The following EPB41L4A variants were observed in gnomAD, a reference collection of about 807,000 sequenced individuals.
EPB41L4A encodes the protein band 4.1-like protein 4A.
A neutral mutation model predicts 108.6 loss-of-function variants in EPB41L4A; 100 were observed. The observed-to-expected ratio is 0.92, with a 90% CI of 0.78 to 1.09. The LOEUF (loss-of-function observed/expected upper bound fraction) is 1.09. Among genes scored for constraint, EPB41L4A ranks in the 50% least tolerant of loss-of-function variants. The pLI, the probability that EPB41L4A is intolerant of heterozygous loss-of-function variation, is 0.00. For synonymous variants in EPB41L4A, 319 were observed against 289.0 expected, an observed-to-expected ratio of 1.10 and a Z score of -1.05; for missense variants, 1,030 against 842.7, an observed-to-expected ratio of 1.22 and a Z score of -2.75.
downstream of EPB41L4A, among the ~76,000 whole-genome samples, chr5:112,159,779 G>A (rs143292377): frequency 2.0e-3 from 297 of 151,964 alleles, 1 homozygote; most frequent in African/African-American, 6.6e-3. Context: ...ATATACACCG[G>A]ATTTTTATGA....
chr5:112,322,307 C>A (rs1026521732), intron 1 of EPB41L4A, among the ~76,000 whole-genome samples: 4 of 152,148 alleles, frequency 2.6e-5, no homozygotes, highest in African/African-American at 9.7e-5. Context: ...GCATACAGAG[C>A]CAGGATTAAA....
chr5:112,233,110 A>C (rs911075154), intron 12 of EPB41L4A, among the ~76,000 whole-genome samples: 2 of 152,258 alleles, frequency 1.3e-5, no homozygotes, highest in Non-Finnish European at 2.9e-5. Context: ...AAACACAAGA[A>C]TACTCACAGC....
chr5:112,161,401 G>C (rs755197891), downstream of EPB41L4A: 4 of 438,506 alleles, frequency 9.1e-6, no homozygotes, highest in Non-Finnish European at 1.8e-5. Flanking sequence ...TCTCTGAAAT[G>C]TATTGTCCGT....
At chr5:112,144,495 T>C (rs746583202) in intron 13 of EPB41L4A, among the ~76,000 whole-genome samples, 24 of 152,178 alleles carry the variant, frequency 1.6e-4, no homozygotes, top group Non-Finnish European at 2.8e-4. Flanking sequence ...CAGGCTGGTC[T>C]TGAACTCCTG....
intron 1 of EPB41L4A, among the ~76,000 whole-genome samples, chr5:112,334,213 C>T (rs1232599232): frequency 2.0e-5 from 3 of 152,164 alleles, no homozygotes; most frequent in Non-Finnish European, 4.4e-5. Context: ...TATATAACAT[C>T]ACATACATCA....
chr5:112,171,086 T>C (rs926128443), intron 18 of EPB41L4A, 94 bp from the exon 19 acceptor site: 16 of 1,123,308 alleles, frequency 1.4e-5, no homozygotes, highest in Non-Finnish European at 2.1e-5. Context: ...GTGAAGTTCT[T>C]ATTTGCCAGC....
At chr5:112,389,234 A>G (rs942760680) in intron 1 of EPB41L4A, among the ~76,000 whole-genome samples, 1 of 152,196 alleles carries the variant, frequency 6.6e-6, no homozygotes, top group African/African-American at 2.4e-5. Flanking sequence ...GGCATTTTAA[A>G]TATTTTTTAA....
At chr5:112,287,241 T>C (rs972157504) in intron 2 of EPB41L4A, among the ~76,000 whole-genome samples, 6 of 152,188 alleles carry the variant, frequency 3.9e-5, no homozygotes, top group African/African-American at 9.7e-5. Flanking sequence ...AAACTTTAGA[T>C]GTCCAAAAGA....
At chr5:112,235,277 A>G (rs958989724) in intron 11 of EPB41L4A, among the ~76,000 whole-genome samples, 2 of 152,202 alleles carry the variant, frequency 1.3e-5, no homozygotes, top group Non-Finnish European at 2.9e-5. Context: ...AGGCAGGCCT[A>G]GAACCCCATG....
chr5:112,252,402 G>A lies in EPB41L4A; in HGVS notation c.795+6827C>T, dbSNP rs79650386. On this transcript the variant is annotated intron_variant, in intron 9 of 22. Transcript: ENST00000261486. ...CTAGTCAAAGGAACCAGAGCTCCTC[G>A]GAAGAATGGCTAACACTCAGGGTAG... Among the ~76,000 whole-genome samples, 908 of 152,108 alleles carry A rather than the reference G, an allele frequency of 6.0e-3. 12 individuals carry two copies. Among genetic ancestry groups the A allele is most frequent in the African/African-American group, 0.021 (862 of 41,488 alleles).
intron 1 of EPB41L4A, among the ~76,000 whole-genome samples, chr5:112,384,688 A>G (rs1760385200): frequency 1.3e-5 from 2 of 151,740 alleles, no homozygotes; most frequent in South Asian, 2.1e-4. Context: ...TTTGAGGAAG[A>G]AAGGAAGGAA....
At chr5:112,399,576 T>C (rs1368113866) in intron 1 of EPB41L4A, among the ~76,000 whole-genome samples, 2 of 152,236 alleles carry the variant, frequency 1.3e-5, no homozygotes, top group African/African-American at 2.4e-5. Flanking sequence ...TGCTGAATTC[T>C]AGCTCTCATC....
At chr5:112,294,338 C>A (rs1053308632) in intron 2 of EPB41L4A, among the ~76,000 whole-genome samples, 1 of 152,148 alleles carries the variant, frequency 6.6e-6, no homozygotes, top group Non-Finnish European at 1.5e-5. Flanking sequence ...TCCCAGTGAG[C>A]GGCCCACACA....
At chr5:112,408,088 G>C (rs1338518702) in intron 1 of EPB41L4A, among the ~76,000 whole-genome samples, 1 of 152,162 alleles carries the variant, frequency 6.6e-6, no homozygotes, top group African/African-American at 2.4e-5. Flanking sequence ...AGAATTCAGA[G>C]CCCAGAGTTA....
At position 112,299,297 on chromosome 5, in the gene EPB41L4A, C is replaced by T. The variant is rs1754201770; in HGVS notation, c.204+8089G>A. 2.6e-5 allele frequency among the ~76,000 whole-genome samples: 4 copies of T among 152,248 alleles called. 1 individual carries two copies. In the South Asian group the frequency reaches 8.3e-4, roughly 32 times the overall value. On this transcript the variant is annotated intron_variant, in intron 2 of 22. Coordinates refer to ENST00000261486, the MANE Select transcript of EPB41L4A (RefSeq NM_022140.5). ...CAGGCATTTAAGGCTATGAACTTTC[C>T]TCTTAGCACTGCCTTTGCTGTATCC...
At chr5:112,369,334 T>A (rs532408915) in intron 1 of EPB41L4A, among the ~76,000 whole-genome samples, 13 of 152,324 alleles carry the variant, frequency 8.5e-5, no homozygotes, top group Non-Finnish European at 5.9e-5. Flanking sequence ...TTCCTGCCTC[T>A]AGTTTAAGCC....
intron 3 of EPB41L4A, among the ~76,000 whole-genome samples, chr5:112,278,352 G>A (rs766021456): frequency 6.6e-6 from 1 of 150,830 alleles, no homozygotes; most frequent in Non-Finnish European, 1.5e-5. Context: ...TGGGTTTTAA[G>A]CCATCCTCTC....
At chr5:112,261,087 T>C (rs1394978077) in intron 7 of EPB41L4A, among the ~76,000 whole-genome samples, 1 of 152,148 alleles carries the variant, frequency 6.6e-6, no homozygotes, top group Non-Finnish European at 1.5e-5. Flanking sequence ...TTAATGTGGC[T>C]AAAGGGAGGG....
At chr5:112,380,290 T>C (rs1486605955) in intron 1 of EPB41L4A, among the ~76,000 whole-genome samples, 2 of 152,222 alleles carry the variant, frequency 1.3e-5, no homozygotes, top group Non-Finnish European at 2.9e-5. Context: ...TCAACCTATT[T>C]ATAAATAACG....
Sources: gnomAD v4.1 joint callset for allele counts (sites outside exome capture counted in the v4.1 genomes callset) on GRCh38, gnomAD v4.1.1 for gene constraint, MANE v1.5 for transcripts, NCBI Gene and HGNC (gene_info 2026-07-23, HGNC 2026-07-21) for gene names.